Variants in EARS2 observed in about 807,000 individuals in gnomAD.
The protein encoded by EARS2 is nondiscriminating glutamyl-tRNA synthetase EARS2, mitochondrial.
A neutral mutation model predicts 54.1 loss-of-function variants in EARS2; 50 were observed. The observed-to-expected ratio is 0.92, with a 90% CI of 0.74 to 1.17. The LOEUF is 1.17. EARS2 is among the 50% of genes most tolerant of loss of function. The pLI, the probability that EARS2 is intolerant of heterozygous loss-of-function variation, is 0.00. For missense variants in EARS2, 673 were observed against 675.0 expected, an observed-to-expected ratio of 1.00 and a Z score of 0.03; for synonymous variants, 298 against 281.0, an observed-to-expected ratio of 1.06 and a Z score of -0.61.
chr16:23,542,310 A>ATT (rs764602136), intron 3 of EARS2, among the ~76,000 whole-genome samples: 2 of 57,788 alleles, frequency 3.5e-5, no homozygotes, highest in Admixed American at 2.3e-4. Flanking sequence ...TGGACCTTTC[A>ATT]TTTTTCTTTT....
intron 2 of EARS2, among the ~76,000 whole-genome samples, chr16:23,547,746 G>A (rs947354038): frequency 8.6e-5 from 13 of 151,942 alleles, no homozygotes; most frequent in East Asian, 1.9e-4. Flanking sequence ...TTTGTGATCC[G>A]CCTGCCCAGA....
chr16:23,524,572 T>C lies in EARS2; in HGVS notation c.1489-118A>G, dbSNP rs997451084. 7 of 831,676 alleles carry C rather than the reference T, an allele frequency of 8.4e-6. No homozygotes were observed. In the African/African-American group the frequency reaches 1.2e-4, roughly 14 times the overall value. 51.5% of individuals were successfully genotyped at this position (831,676 alleles called of 1,614,324 possible). On this transcript the variant is annotated intron_variant, in intron 8 of 8. Coordinates refer to ENST00000449606, the MANE Select transcript of EARS2 (RefSeq NM_001083614.2). ...AGCCCCCACACTGCTGCCTGTGTTC[T>C]GAGGATCAGTGCTTGTGTTATTTCC...
At chr16:23,537,587 CAG>C (rs1965441688) in intron 3 of EARS2, 1 of 152,114 alleles carries the variant, frequency 6.6e-6, no homozygotes, top group African/African-American at 2.4e-5. Context: ...TTTACTGAGA[CAG>C]GGGACAAGGT....
chr16:23,554,287 T>C (rs1340812234), intron 1 of EARS2, among the ~76,000 whole-genome samples: 1 of 152,176 alleles, frequency 6.6e-6, no homozygotes, highest in African/African-American at 2.4e-5. Flanking sequence ...CCCAAAGTGC[T>C]GGGATTACTG....
intron 2 of EARS2, among the ~76,000 whole-genome samples, chr16:23,546,618 C>T (rs1009058331): frequency 4.6e-5 from 7 of 152,200 alleles, no homozygotes; most frequent in South Asian, 4.1e-4. Flanking sequence ...TGCAGTGGCA[C>T]GTTCTCGGCT....
chr16:23,532,449 C>T (rs1448428487), intron 5 of EARS2: 7 of 436,304 alleles, frequency 1.6e-5, no homozygotes. Flanking sequence ...ACACTTAATA[C>T]AAGATACTTT....
rs10687580 is a variant in EARS2 at position 23,548,233 on chromosome 16, C to CAATAAATAAATA, written c.296-3542_296-3531dup. On this transcript the variant is annotated intron_variant, in intron 2 of 8. Coordinates refer to ENST00000449606, the MANE Select transcript of EARS2 (RefSeq NM_001083614.2). ...TGGGCGACAGAGCGAGACTCCATCT[C>CAATAAATAAATA]AATAAATAAATAAATAAATAAATAA... Among the ~76,000 whole-genome samples, 1,034 of 135,386 alleles carry CAATAAATAAATA rather than the reference C, an allele frequency of 7.6e-3. 12 individuals are homozygous for CAATAAATAAATA. Among genetic ancestry groups the CAATAAATAAATA allele is most frequent in the Middle Eastern group, 0.03 (8 of 264 alleles). 88.8% of individuals were successfully genotyped at this position (135,386 alleles called of 152,430 possible). A position where few individuals can be genotyped will look rare whatever the true frequency, so the allele number is the denominator to read the frequency against.
chr16:23,541,571 A>T (rs957335582), intron 3 of EARS2, among the ~76,000 whole-genome samples: 3 of 152,220 alleles, frequency 2.0e-5, no homozygotes, highest in African/African-American at 7.2e-5. Flanking sequence ...ACTTATAGGT[A>T]TATGTACTGA....
Position 23,552,198 on chromosome 16 carries a change from G to C in EARS2, c.246C>G (p.Arg82=). Residue 82 remains arginine (R), a synonymous_variant, in exon 2 of 9, where the codon CGC becomes CGG. Transcript: ENST00000449606. ...ILRLEDTDQT[R]VVPGAAENIE... ...TATTCTCCGCTGCCCCAGGCACAACGCGAGTCTGATCTGTGTCCTCTAGCC... is the reference window on the plus strand; with the variant it reads ...TATTCTCCGCTGCCCCAGGCACAACCCGAGTCTGATCTGTGTCCTCTAGCC... The C allele has an allele frequency of 6.2e-7, 1 of 1,614,152 alleles. No homozygotes were observed. Among genetic ancestry groups the C allele is most frequent in the East Asian group, 2.2e-5 (1 of 44,884 alleles).
At chr16:23,531,020 T>C (rs576476512) in intron 5 of EARS2, among the ~76,000 whole-genome samples, 2 of 151,678 alleles carry the variant, frequency 1.3e-5, no homozygotes, top group Admixed American at 6.6e-5. Flanking sequence ...GCCTCCTGAG[T>C]AGCTGAGACT....
rs997853025 is a variant in EARS2, at chr16:23,521,006, G to C, written c.*3365C>G. Among the ~76,000 whole-genome samples, 3 of 152,106 alleles carry C rather than the reference G, an allele frequency of 2.0e-5. No individual in the cohort carries two copies. Among genetic ancestry groups the C allele is most frequent in the African/African-American group, 7.2e-5 (3 of 41,410 alleles). On this transcript the variant is annotated 3_prime_UTR_variant, in exon 9 of 9. Coordinates refer to ENST00000449606, the MANE Select transcript of EARS2 (RefSeq NM_001083614.2). ...GGGGTTTCACCATGTTGGCCAGGCT[G>C]GTCTTGAACTCCCGGCCTCAAGTGA...
Position 23,522,001 on chromosome 16 carries a change from A to T in EARS2, c.*2370T>A, listed in dbSNP as rs964813018. ...TCCATATCTGTAACAGAAAAAAAAA[A>T]TACTGCTTCTCTCATAGTGTTATAA... is the stretch of plus-strand genomic sequence containing the variant. On this transcript the variant is annotated 3_prime_UTR_variant, in exon 9 of 9. Transcript: ENST00000449606. 1 of 353,608 alleles carries T rather than the reference A, an allele frequency of 2.8e-6. No homozygotes were observed. The highest frequency in any genetic ancestry group is 5.6e-6 in the Non-Finnish European group (1 of 178,954). 21.9% of individuals were successfully genotyped at this position (353,608 alleles called of 1,614,324 possible).
intron 8 of EARS2, among the ~76,000 whole-genome samples, chr16:23,524,757 G>A (rs1255595492): frequency 1.3e-5 from 2 of 149,564 alleles, no homozygotes; most frequent in African/African-American, 2.5e-5. Flanking sequence ...GGCAATTCTC[G>A]TGCCTCACCC....
intron 3 of EARS2, among the ~76,000 whole-genome samples, chr16:23,541,240 T>C (rs1965506724): frequency 6.6e-6 from 1 of 151,822 alleles, no homozygotes; most frequent in Admixed American, 6.6e-5. Flanking sequence ...GGCCAGAGAA[T>C]CACTTGAACC....
intron 2 of EARS2, among the ~76,000 whole-genome samples, chr16:23,547,436 C>G (rs566637041): frequency 6.6e-6 from 1 of 152,268 alleles, no homozygotes; most frequent in South Asian, 2.1e-4. Context: ...TTGCGCAACA[C>G]AGTAAATATA....
chr16:23,538,136 C>T (rs946676005), intron 3 of EARS2, among the ~76,000 whole-genome samples: 6 of 149,966 alleles, frequency 4.0e-5, no homozygotes, highest in African/African-American at 1.5e-4. Flanking sequence ...ACTGTAAAGT[C>T]TGAGCCATAC....
intron 2 of EARS2, chr16:23,546,469 T>G (rs4968019): frequency 3.1e-5 from 14 of 455,812 alleles, no homozygotes; most frequent in South Asian, 1.1e-4. Flanking sequence ...AACTTTCTCA[T>G]GAGGATCATC....
intron 2 of EARS2, among the ~76,000 whole-genome samples, chr16:23,545,856 T>A (rs1965595350): frequency 6.6e-6 from 1 of 152,108 alleles, no homozygotes; most frequent in Admixed American, 6.6e-5. Flanking sequence ...CGAGTCTTGC[T>A]GTGTCACTCA....
At chr16:23,528,524 G>A (rs1041835445) in intron 7 of EARS2, among the ~76,000 whole-genome samples, 10 of 152,320 alleles carry the variant, frequency 6.6e-5, no homozygotes, top group African/African-American at 2.2e-4. Flanking sequence ...TTCCTGACTC[G>A]AGAGGGAGTC....
Sources: allele counts gnomAD v4.1 joint callset (sites outside exome capture counted in the v4.1 genomes callset), GRCh38; gene constraint gnomAD v4.1.1; transcripts MANE v1.5; gene names NCBI Gene and HGNC (gene_info 2026-07-23, HGNC 2026-07-21).